The following PTPRD variants were observed in gnomAD, a reference collection of about 807,000 sequenced individuals.
PTPRD encodes receptor-type tyrosine-protein phosphatase delta.
A neutral mutation model predicts 214.5 loss-of-function variants in PTPRD; 34 were observed. That is an observed-to-expected ratio of 0.16 (90% CI 0.12 to 0.21). The LOEUF (loss-of-function observed/expected upper bound fraction) is 0.21. Among genes scored for constraint, PTPRD ranks in the 10% least tolerant of loss-of-function variants. The probability of loss-of-function intolerance (pLI) is 1.00; values close to 1 mark genes in which losing one functional copy is unlikely to be tolerated. For synonymous variants in PTPRD, 1,128 were observed against 845.7 expected, an observed-to-expected ratio of 1.33 and a Z score of -5.79; for missense variants, 2,545 against 2,398.7, an observed-to-expected ratio of 1.06 and a Z score of -1.27.
chr9:9,606,309 A>G (rs1244105695), intron 7 of PTPRD, among the ~76,000 whole-genome samples: 1 of 152,124 alleles, frequency 6.6e-6, no homozygotes, highest in Non-Finnish European at 1.5e-5. Flanking sequence ...AAATCAAAGC[A>G]TATTATCATT....
chr9:9,737,434 T>C (rs1009076812), intron 6 of PTPRD, among the ~76,000 whole-genome samples: 14 of 152,186 alleles, frequency 9.2e-5, no homozygotes. Context: ...CAAAGATAAC[T>C]ACTAATTCCA....
chr9:8,482,003 G>A (rs768952558), intron 30 of PTPRD, among the ~76,000 whole-genome samples: 12 of 151,836 alleles, frequency 7.9e-5, no homozygotes, highest in African/African-American at 1.2e-4. Flanking sequence ...GTCTGGTCTC[G>A]AACTCCTGAC....
chr9:8,833,920 A>ATCC (rs199867974), intron 11 of PTPRD, among the ~76,000 whole-genome samples: 18,432 of 151,988 alleles, frequency 0.12, 1,368 homozygotes, highest in East Asian at 0.27. Flanking sequence ...AAATGTATTA[A>ATCC]AAACACCGGG....
chr9:9,767,783 T>C (rs990839279), intron 5 of PTPRD, among the ~76,000 whole-genome samples: 5 of 152,116 alleles, frequency 3.3e-5, no homozygotes, highest in African/African-American at 1.2e-4. Context: ...GTATAAGCAA[T>C]TTTCTTCCAT....
At chr9:9,861,966 AT>A (rs1438544966) in intron 5 of PTPRD, among the ~76,000 whole-genome samples, 3 of 152,164 alleles carry the variant, frequency 2.0e-5, no homozygotes, top group African/African-American at 7.2e-5. Flanking sequence ...GGTTATTTCC[AT>A]TTTTTATTAT....
intron 8 of PTPRD, among the ~76,000 whole-genome samples, chr9:9,573,491 C>G (rs1346435224): frequency 8.0e-5 from 12 of 150,824 alleles, no homozygotes; most frequent in Non-Finnish European, 1.3e-4. Context: ...AAACTGCGCA[C>G]TTAAGATATA....
chr9:10,285,605 C>CTT (rs34225956), intron 3 of PTPRD, among the ~76,000 whole-genome samples: 12,829 of 103,760 alleles, frequency 0.12, 1,411 homozygotes, highest in East Asian at 0.3. Flanking sequence ...GGGGTCTCAT[C>CTT]TTTTTTTTTT....
intron 7 of PTPRD, among the ~76,000 whole-genome samples, chr9:9,620,453 T>C (rs1224226619): frequency 6.6e-6 from 1 of 152,198 alleles, no homozygotes; most frequent in Non-Finnish European, 1.5e-5. Flanking sequence ...GTAAGAGCTG[T>C]ATCATCTGAA....
Position 10,402,167 on chromosome 9 carries a change from G to A in PTPRD, c.-599-61150C>T, listed in dbSNP as rs151164629. Reference sequence around the variant, plus strand: ...GTACTAGGCCAGCCACTGTTTCACAGAGCAATAAATACTTAAATATTATTT... The same window carrying A: ...GTACTAGGCCAGCCACTGTTTCACAAAGCAATAAATACTTAAATATTATTT... On this transcript the variant is annotated intron_variant, in intron 2 of 45. Coordinates refer to ENST00000381196, the MANE Select transcript of PTPRD (RefSeq NM_002839.4). Among the ~76,000 whole-genome samples the A allele has an allele frequency of 6.3e-4, 95 of 151,748 alleles. 2 individuals carry two copies. The highest frequency in any genetic ancestry group is 2.2e-3 in the African/African-American group (90 of 41,504).
intron 11 of PTPRD, among the ~76,000 whole-genome samples, chr9:8,991,041 C>G (rs1047660903): frequency 2.0e-5 from 3 of 150,274 alleles, no homozygotes; most frequent in African/African-American, 7.3e-5. Flanking sequence ...ATGGTGAAAC[C>G]TCATCTCTAC....
At chr9:9,054,779 C>T (rs62529461) in intron 10 of PTPRD, among the ~76,000 whole-genome samples, 8,507 of 152,232 alleles carry the variant, frequency 0.056, 261 homozygotes, top group Middle Eastern at 0.092. Context: ...TAGATATCAA[C>T]CCTTGATGAG....
intron 7 of PTPRD, among the ~76,000 whole-genome samples, chr9:9,665,440 A>G (rs1389064463): frequency 6.6e-6 from 1 of 151,788 alleles, no homozygotes; most frequent in Non-Finnish European, 1.5e-5. Context: ...CTGTGATAGA[A>G]TATAGAAGAA....
intron 2 of PTPRD, among the ~76,000 whole-genome samples, chr9:10,431,127 G>A (rs933756753): frequency 1.3e-5 from 2 of 151,918 alleles, no homozygotes; most frequent in Admixed American, 1.3e-4. Flanking sequence ...TCTCAAGAGA[G>A]CTCTAAAAGT....
intron 7 of PTPRD, among the ~76,000 whole-genome samples, chr9:9,652,805 G>T (rs941513047): frequency 4.0e-5 from 6 of 151,458 alleles, no homozygotes; most frequent in Non-Finnish European, 7.4e-5. Context: ...GTAGTGATGG[G>T]GCTTCACCAT....
intron 11 of PTPRD, among the ~76,000 whole-genome samples, chr9:8,924,649 A>G (rs1485625493): frequency 6.6e-6 from 1 of 151,598 alleles, no homozygotes; most frequent in Non-Finnish European, 1.5e-5. Context: ...AAACTCGCCA[A>G]CTCCTCACTT....
intron 3 of PTPRD, among the ~76,000 whole-genome samples, chr9:10,218,633 A>G (rs1489352302): frequency 1.3e-5 from 2 of 151,810 alleles, no homozygotes; most frequent in African/African-American, 4.8e-5. Flanking sequence ...AAGAAAAGAT[A>G]CCATAATATG....
chr9:8,618,746 G>C (rs1359266971), intron 14 of PTPRD, among the ~76,000 whole-genome samples: 1 of 151,752 alleles, frequency 6.6e-6, no homozygotes, highest in East Asian at 1.9e-4. Context: ...GCCCAGGCTA[G>C]AATGCAGTGG....
chr9:8,425,672 T>C (rs2094615650), intron 35 of PTPRD, among the ~76,000 whole-genome samples: 1 of 152,110 alleles, frequency 6.6e-6, no homozygotes, highest in African/African-American at 2.4e-5. Flanking sequence ...TTTTTTTGTT[T>C]TTTTTCTGTT....
chr9:8,775,842 G>GA (rs5896257), intron 11 of PTPRD, among the ~76,000 whole-genome samples: 87,649 of 146,242 alleles, frequency 0.6, 26,049 homozygotes, highest in Middle Eastern at 0.67. Context: ...TTTGAAAATG[G>GA]AAAAAAAAAA....
Sources: allele counts gnomAD v4.1 joint callset (sites outside exome capture counted in the v4.1 genomes callset), GRCh38; gene constraint gnomAD v4.1.1; transcripts MANE v1.5; gene names NCBI Gene and HGNC (gene_info 2026-07-23, HGNC 2026-07-21).